SIPA1L2: variants seen among roughly 807,000 people sequenced by gnomAD.
SIPA1L2 encodes the protein signal-induced proliferation-associated 1-like protein 2.
A neutral mutation model predicts 163.9 loss-of-function variants in SIPA1L2; 56 were observed. The observed-to-expected ratio is 0.34, with a 90% CI of 0.28 to 0.43. The LOEUF (loss-of-function observed/expected upper bound fraction) is 0.43. Ranked by LOEUF, SIPA1L2 falls within the 20% of genes least tolerant of loss-of-function variation. The pLI, the probability that SIPA1L2 is intolerant of heterozygous loss-of-function variation, is 1.00. For synonymous variants in SIPA1L2, 877 were observed against 865.7 expected (o/e 1.01, Z -0.23); for missense variants, 1,974 against 2,193.5 (o/e 0.90, Z 2.00).
At position 232,501,479 on chromosome 1, in the gene SIPA1L2, G is replaced by C. The variant is rs145518253; in HGVS notation, c.1484-7819C>G. 3.3e-3 allele frequency among the ~76,000 whole-genome samples: 500 copies of C among 152,208 alleles called. 5 individuals carry two copies. The highest frequency in any genetic ancestry group is 0.011 in the African/African-American group (464 of 41,548). ...GTGCATCTTCTTCTTGGGCCAGTGA[G>C]TGTCCCAGGGAAGGCACCTCCAGTC... On this transcript the variant is annotated intron_variant, in intron 3 of 22. Transcript: ENST00000674635.
rs370955225 is a variant in SIPA1L2 at position 232,527,270 on chromosome 1, A to G, written c.-269-11662T>C. Among the ~76,000 whole-genome samples, 2 of 152,236 alleles carry G rather than the reference A, an allele frequency of 1.3e-5. 1 individual carries two copies. The highest frequency in any genetic ancestry group is 4.1e-4 in the South Asian group (2 of 4,830). On this transcript the variant is annotated intron_variant, in intron 2 of 22. Coordinates refer to ENST00000674635, the MANE Select transcript of SIPA1L2 (RefSeq NM_020808.5). ...ACTTTTTAATTGTCTGGTTTGACTC[A>G]TAATTGTCCCAGCTTTGTTGGCCAG...
At chr1:232,403,635 T>G in intron 20 of SIPA1L2, 64 bp from the exon 21 acceptor site, 1 of 1,526,502 alleles carries the variant, frequency 6.6e-7, no homozygotes, top group Non-Finnish European at 8.8e-7. Flanking sequence ...AATGTTTCTT[T>G]GTGGAAATGC....
intron 2 of SIPA1L2, among the ~76,000 whole-genome samples, chr1:232,528,765 G>A (rs1667838609): frequency 6.6e-6 from 1 of 152,174 alleles, no homozygotes; most frequent in South Asian, 2.1e-4. Flanking sequence ...ATGTTTGACT[G>A]GCAGAGCAGA....
intron 1 of SIPA1L2, among the ~76,000 whole-genome samples, chr1:232,584,005 G>A (rs1474642119): frequency 5.9e-5 from 9 of 152,170 alleles, no homozygotes; most frequent in South Asian, 2.1e-4. Context: ...AAACCTAAAC[G>A]TATTAACTCT....
intron 2 of SIPA1L2, chr1:232,561,542 C>A (rs1337082897): frequency 1.3e-5 from 2 of 152,222 alleles, no homozygotes; most frequent in Admixed American, 6.5e-5. Context: ...GAGCCACACA[C>A]AATGCCCACC....
intron 3 of SIPA1L2, among the ~76,000 whole-genome samples, chr1:232,496,746 G>A (rs1484930841): frequency 6.6e-6 from 1 of 152,160 alleles, no homozygotes. Context: ...ACTCTCAGTT[G>A]CAGTTAGTTA....
chr1:232,596,112 AGAG>A (rs1661243299), intron 1 of SIPA1L2, among the ~76,000 whole-genome samples: 2 of 152,194 alleles, frequency 1.3e-5, no homozygotes, highest in Admixed American at 1.3e-4. Flanking sequence ...GACACAAAGA[AGAG>A]GAGAAAGAAA....
Position 232,404,177 on chromosome 1 carries a change from A to G in SIPA1L2, c.4764T>C (p.Gly1588=). Reference sequence around the variant, plus strand: ...GCCCCAGTTCTTCATCTGAGTCAAGACCTGAAATAAGATTTAGAATTTTCC... The same window carrying G: ...GCCCCAGTTCTTCATCTGAGTCAAGGCCTGAAATAAGATTTAGAATTTTCC... The part of the protein sequence containing the change: ...HLVDAARAFE[G]LDSDEELGLL... The change falls in exon 20 of 23, where the codon GGT becomes GGC. Residue 1588 remains glycine (G), a splice_region_variant and synonymous_variant. Coordinates refer to ENST00000674635, the MANE Select transcript of SIPA1L2 (RefSeq NM_020808.5). 6.2e-7 allele frequency: 1 copy of G among 1,613,960 alleles called. No homozygotes were observed. Among genetic ancestry groups the G allele is most frequent in the Non-Finnish European group, 8.5e-7 (1 of 1,179,958 alleles).
At chr1:232,500,069 C>G (rs1469914098) in intron 3 of SIPA1L2, among the ~76,000 whole-genome samples, 2 of 152,178 alleles carry the variant, frequency 1.3e-5, no homozygotes, top group African/African-American at 2.4e-5. Context: ...ACTCCACCTC[C>G]CGGGCTGACG....
intron 1 of SIPA1L2, among the ~76,000 whole-genome samples, chr1:232,586,598 C>T (rs897039242): frequency 6.6e-6 from 1 of 152,200 alleles, no homozygotes; most frequent in Admixed American, 6.5e-5. Context: ...CTCTAAATGA[C>T]TTAAAATTTC....
At chr1:232,501,771 C>A (rs1431245586) in intron 3 of SIPA1L2, among the ~76,000 whole-genome samples, 1 of 152,192 alleles carries the variant, frequency 6.6e-6, no homozygotes, top group Non-Finnish European at 1.5e-5. Context: ...TCCAAGGGTG[C>A]CTGGCTCTGT....
intron 14 of SIPA1L2, among the ~76,000 whole-genome samples, chr1:232,440,156 A>G (rs536681514): frequency 3.9e-5 from 6 of 152,338 alleles, no homozygotes; most frequent in African/African-American, 1.4e-4. Context: ...AAAAGAGTCA[A>G]TGCTTTTGGT....
In SIPA1L2 at chr1:232,410,544, A is replaced by AT. The variant is rs1269159579; in HGVS notation, c.4762+4949_4762+4950insA. Reference sequence around the variant, plus strand: ...GCAAGAAGGCTGCTTCTGAATTTCAAAATATATATATATATATACGCAAGG... The same window carrying AT: ...GCAAGAAGGCTGCTTCTGAATTTCAATAATATATATATATATATACGCAAGG... On this transcript the variant is annotated intron_variant, in intron 19 of 22. Transcript: ENST00000674635. Among the ~76,000 whole-genome samples, 3 of 150,328 alleles carry AT rather than the reference A, an allele frequency of 2.0e-5. No individual in the cohort carries two copies. The East Asian group carries it at 7.0e-4, about 35-fold the overall frequency.
chr1:232,408,190 A>AT (rs1460666977), intron 19 of SIPA1L2, among the ~76,000 whole-genome samples: 3 of 152,182 alleles, frequency 2.0e-5, no homozygotes, highest in African/African-American at 7.2e-5. Context: ...AACAAAGTCT[A>AT]AAATGTGACT....
At chr1:232,529,674 C>T (rs1395260706) in intron 2 of SIPA1L2, among the ~76,000 whole-genome samples, 1 of 152,186 alleles carries the variant, frequency 6.6e-6, no homozygotes. Context: ...GATTAAAAGC[C>T]CATACATTTG....
intron 5 of SIPA1L2, among the ~76,000 whole-genome samples, chr1:232,488,630 A>AACT (rs1238402302): frequency 6.6e-6 from 1 of 152,230 alleles, no homozygotes; most frequent in Admixed American, 6.5e-5. Context: ...AAAGCCCATG[A>AACT]ACTACTACTA....
intron 2 of SIPA1L2, among the ~76,000 whole-genome samples, chr1:232,531,637 G>C (rs1022163979): frequency 2.0e-5 from 3 of 152,318 alleles, no homozygotes; most frequent in South Asian, 4.1e-4. Flanking sequence ...TAATACAGAG[G>C]AACATCTTTT....
At chr1:232,419,361 T>C (rs1458704334) in intron 18 of SIPA1L2, among the ~76,000 whole-genome samples, 1 of 152,196 alleles carries the variant, frequency 6.6e-6, no homozygotes, top group Admixed American at 6.5e-5. Context: ...CTGGGAAAAT[T>C]ACTATTCTGT....
chr1:232,438,727 A>G (rs1662710152), intron 15 of SIPA1L2, among the ~76,000 whole-genome samples: 1 of 152,230 alleles, frequency 6.6e-6, no homozygotes, highest in Admixed American at 6.5e-5. Context: ...TGCTCTACGC[A>G]CATGCTGCCT....
Sources: allele counts gnomAD v4.1 joint callset (sites outside exome capture counted in the v4.1 genomes callset), GRCh38; gene constraint gnomAD v4.1.1; transcripts MANE v1.5; gene names NCBI Gene and HGNC (gene_info 2026-07-23, HGNC 2026-07-21).